The following UGT2B17 variants were observed in gnomAD, a reference collection of about 807,000 sequenced individuals.
UGT2B17 encodes UDP glucuronosyltransferase family 2 member B17, also known as UDP-glucuronosyltransferase 2B17.
UGT2B17 carries 21 observed loss-of-function variants against 48.2 expected under a neutral mutation model. The observed-to-expected ratio is 0.44, with a 90% confidence interval of 0.31 to 0.63. The LOEUF is 0.63. Among genes scored for constraint, UGT2B17 ranks in the 20% least tolerant of loss-of-function variants. The pLI is 0.08. For missense variants in UGT2B17, 402 were observed against 696.1 expected (o/e 0.58, Z 4.75); for synonymous variants, 146 against 238.4 (o/e 0.61, Z 3.57).
In UGT2B17 at chr4:68,551,766, T is replaced by C. The variant is rs1267828540; in HGVS notation, c.1093+58A>G. The C allele has an allele frequency of 5.6e-6, 6 of 1,064,990 alleles. 2 individuals are homozygous for C. Among genetic ancestry groups the C allele is most frequent in the Non-Finnish European group, 7.5e-6 (6 of 804,628 alleles). The allele number at this position is 1,064,990 out of a possible 1,614,324, so 66.0% of individuals were successfully genotyped here. On this transcript the variant is annotated intron_variant, in intron 5 of 6. Coordinates refer to ENST00000317746, the MANE Select transcript of UGT2B17 (RefSeq NM_001077.4). ...AATATGTTTGTTTTATGTTGAAATA[T>C]TATCACTTCTAATTGGCTGTTACTA...
rs1211930993 is a variant in UGT2B17, at chr4:68,541,687, GC to G, written c.1314-3784del. ...GTCAACTTTGGCTTTTATTGTAATTGCTTTTGGTGTTTGTGTCATGAAATTT... is the reference window on the plus strand; with the variant it reads ...GTCAACTTTGGCTTTTATTGTAATTGTTTTGGTGTTTGTGTCATGAAATTT... On this transcript the variant is annotated intron_variant, in intron 6 of 6. Coordinates refer to ENST00000317746, the MANE Select transcript of UGT2B17 (RefSeq NM_001077.4). 5.5e-5 allele frequency among the ~76,000 whole-genome samples: 7 copies of G among 126,332 alleles called. 3 individuals are homozygous for G. Among genetic ancestry groups the G allele is most frequent in the Non-Finnish European group, 1.2e-4 (7 of 59,706 alleles). The allele number at this position is 126,332 out of a possible 152,430, so 82.9% of individuals were successfully genotyped here.
In UGT2B17 at chr4:68,548,600, G is replaced by A. The variant is rs1411389554; in HGVS notation, c.1313+2077C>T. ...TAAAAAAAATTACTTTGGGCAGCATGGCCATTTTTACAATTCTGATTTTTT... is the reference window on the plus strand; with the variant it reads ...TAAAAAAAATTACTTTGGGCAGCATAGCCATTTTTACAATTCTGATTTTTT... On this transcript the variant is annotated intron_variant, in intron 6 of 6. Transcript: ENST00000317746. Among the ~76,000 whole-genome samples, 4 of 124,894 alleles carry A rather than the reference G, an allele frequency of 3.2e-5. 1 individual carries two copies. The Admixed American group carries it at 3.3e-4, about 10-fold the overall frequency. The allele number at this position is 124,894 out of a possible 152,430, so 81.9% of individuals were successfully genotyped here.
rs1425942706 is a variant in UGT2B17 at position 68,561,849 on chromosome 4, C to G, written c.874-1181G>C. On this transcript the variant is annotated intron_variant, in intron 3 of 6. Transcript: ENST00000317746. ...AAAAGAAATGTAGACTCATAAGTTT[C>G]CCGGATATCATATCAAAATTGTATA... is the stretch of plus-strand genomic sequence containing the variant. Among the ~76,000 whole-genome samples the G allele has an allele frequency of 2.5e-5, 3 of 120,744 alleles. 1 individual carries two copies. In the Admixed American group the frequency reaches 2.5e-4, roughly 10 times the overall value. 79.2% of individuals were successfully genotyped at this position (120,744 alleles called of 152,430 possible).
At chr4:68,549,464 A>G (rs1168372798) in intron 6 of UGT2B17, among the ~76,000 whole-genome samples, 1 of 125,616 alleles carries the variant, frequency 8.0e-6, no homozygotes, top group African/African-American at 2.7e-5. Flanking sequence ...AATAAGGTAA[A>G]TAGAAAAATG....
intron 6 of UGT2B17, among the ~76,000 whole-genome samples, chr4:68,543,066 C>T (rs1730709974): frequency 7.9e-6 from 1 of 126,058 alleles, no homozygotes; most frequent in Non-Finnish European, 1.7e-5. Flanking sequence ...CTTAAATGTC[C>T]CTGTCTGACA....
rs1553919352 is a variant in UGT2B17 at position 68,537,582 on chromosome 4, G to T, written c.*43C>A. 7.0e-6 allele frequency: 9 copies of T among 1,284,278 alleles called. 4 individuals are homozygous for T. In the East Asian group the frequency reaches 6.9e-4, roughly 99 times the overall value. 79.6% of individuals were successfully genotyped at this position (1,284,278 alleles called of 1,614,324 possible). A position where few individuals can be genotyped will look rare whatever the true frequency, so the allele number is the denominator to read the frequency against. On this transcript the variant is annotated 3_prime_UTR_variant, in exon 7 of 7. Coordinates refer to ENST00000317746, the MANE Select transcript of UGT2B17 (RefSeq NM_001077.4). ...AACCCTCCATGCTGGAATAAAGGAG[G>T]AGTCCCATCTTTTGGTCATTCCACT...
rs1253708015 is a variant in UGT2B17 at position 68,564,349 on chromosome 4, C to T, written c.873+1223G>A. Among the ~76,000 whole-genome samples the T allele has an allele frequency of 3.6e-5, 4 of 110,140 alleles. 2 individuals are homozygous for T. Among genetic ancestry groups the T allele is most frequent in the African/African-American group, 1.3e-4 (4 of 30,608 alleles). 72.3% of individuals were successfully genotyped at this position (110,140 alleles called of 152,430 possible). A position where few individuals can be genotyped will look rare whatever the true frequency, so the allele number is the denominator to read the frequency against. On this transcript the variant is annotated intron_variant, in intron 3 of 6. Transcript: ENST00000317746. ...TGTTGCCCAGGCTGTTGTGCAATAG[C>T]ATGATCTCGGCTCTCTGCAACCTCT...
chr4:68,552,000 A>T, intron 4 of UGT2B17, 89 bp from the exon 5 acceptor site: 1 of 915,018 alleles, frequency 1.1e-6, no homozygotes, highest in Non-Finnish European at 1.5e-6. Context: ...TAATCAGTTA[A>T]TCCATATAAA....
At position 68,567,644 on chromosome 4, in the gene UGT2B17, T is replaced by G. The variant is rs558026617; in HGVS notation, c.724+117A>C. The stretch of plus-strand genomic sequence containing the variant: ...TGAGACTCATAGATCATCTTACATT[T>G]GCAATTCATAATTTCCCATAAAAAC... On this transcript the variant is annotated intron_variant, in intron 2 of 6. Transcript: ENST00000317746. The G allele has an allele frequency of 3.8e-6, 3 of 796,536 alleles. 1 individual carries two copies. The highest frequency in any genetic ancestry group is 6.4e-5 in the Admixed American group (2 of 31,166). 49.3% of individuals were successfully genotyped at this position (796,536 alleles called of 1,614,324 possible).
rs1281834596 is a variant in UGT2B17, at chr4:68,561,069, G to A, written c.874-401C>T. 7.3e-5 allele frequency among the ~76,000 whole-genome samples: 9 copies of A among 123,700 alleles called. 3 individuals carry two copies. Among genetic ancestry groups the A allele is most frequent in the Non-Finnish European group, 1.5e-4 (9 of 58,842 alleles). The allele number at this position is 123,700 out of a possible 152,430, so 81.2% of individuals were successfully genotyped here. ...TTTTTGTAGTTCTACTAAATCTCTT[G>A]TGTTTATTTGGGGTCATTTTATTTT... On this transcript the variant is annotated intron_variant, in intron 3 of 6. Coordinates refer to ENST00000317746, the MANE Select transcript of UGT2B17 (RefSeq NM_001077.4).
chr4:68,543,035 G>C lies in UGT2B17; in HGVS notation c.1314-5131C>G, dbSNP rs1248527636. 1.6e-5 allele frequency among the ~76,000 whole-genome samples: 2 copies of C among 126,426 alleles called. 1 individual carries two copies. The allele number at this position is 126,426 out of a possible 152,430, so 82.9% of individuals were successfully genotyped here. The stretch of plus-strand genomic sequence containing the variant: ...GGGGGCAGGGCATAACCAAACAAAA[G>C]GCAGCAGAAACCTCTGCAGTCTTAA... On this transcript the variant is annotated intron_variant, in intron 6 of 6. Coordinates refer to ENST00000317746, the MANE Select transcript of UGT2B17 (RefSeq NM_001077.4).
At position 68,541,336 on chromosome 4, in the gene UGT2B17, C is replaced by T. The variant is rs886143761; in HGVS notation, c.1314-3432G>A. Among the ~76,000 whole-genome samples, 22 of 126,268 alleles carry T rather than the reference C, an allele frequency of 1.7e-4. 5 individuals carry two copies. The highest frequency in any genetic ancestry group is 5.7e-4 in the Admixed American group (7 of 12,364). 82.8% of individuals were successfully genotyped at this position (126,268 alleles called of 152,430 possible). A position where few individuals can be genotyped will look rare whatever the true frequency, so the allele number is the denominator to read the frequency against. On this transcript the variant is annotated intron_variant, in intron 6 of 6. Transcript: ENST00000317746. Reference sequence around the variant, plus strand: ...TGTTTTTTGACTTTTTAATCATCTCCATTCTGACTGGCATGAGATTGTATC... The same window carrying T: ...TGTTTTTTGACTTTTTAATCATCTCTATTCTGACTGGCATGAGATTGTATC...
intron 4 of UGT2B17, among the ~76,000 whole-genome samples, chr4:68,555,644 T>C (rs1730987552): frequency 8.0e-6 from 1 of 125,534 alleles, no homozygotes; most frequent in African/African-American, 2.7e-5. Context: ...TCTAGGTAAA[T>C]GACTAAATAA....
chr4:68,568,811 T>A (rs1731252853), intron 1 of UGT2B17, among the ~76,000 whole-genome samples: 1 of 129,404 alleles, frequency 7.7e-6, no homozygotes, highest in African/African-American at 2.6e-5. Context: ...CGCCATTTTT[T>A]AATATCGTGG....
At chr4:68,553,170 C>A (rs1423287601) in intron 4 of UGT2B17, among the ~76,000 whole-genome samples, 1 of 125,510 alleles carries the variant, frequency 8.0e-6, no homozygotes, top group Admixed American at 8.2e-5. Context: ...TCAGATTTGA[C>A]AAACTTTACC....
rs771102901 is a variant in UGT2B17, at chr4:68,551,808, T to C, written c.1093+16A>G. 179 of 1,280,766 alleles carry C rather than the reference T, an allele frequency of 1.4e-4. 34 individuals are homozygous for C. Among genetic ancestry groups the C allele is most frequent in the Non-Finnish European group, 1.7e-4 (163 of 977,932 alleles). The allele number at this position is 1,280,766 out of a possible 1,614,324, so 79.3% of individuals were successfully genotyped here. On this transcript the variant is annotated intron_variant, in intron 5 of 6. Transcript: ENST00000317746. ...CTGTTACTAATATATTCAGTATTTG[T>C]TCTCCAGAGTCTTACCAAGAAGGTC...
intron 3 of UGT2B17, among the ~76,000 whole-genome samples, chr4:68,564,296 T>TATATATATATATA (rs1226939611): frequency 2.2e-4 from 21 of 93,796 alleles, no homozygotes; most frequent in African/African-American, 1.2e-3. Flanking sequence ...ATATATATAT[T>TATATATATATATA]TTTTTTTTTT....
At position 68,537,855 on chromosome 4, in the gene UGT2B17, C is replaced by A; in HGVS notation, c.1363G>T (p.Val455Leu). The A allele has an allele frequency of 1.5e-6, 2 of 1,376,026 alleles. 1 individual carries two copies. The highest frequency in any genetic ancestry group is 1.9e-6 in the Non-Finnish European group (2 of 1,053,222). The allele number at this position is 1,376,026 out of a possible 1,614,324, so 85.2% of individuals were successfully genotyped here. Reference sequence around the variant, plus strand: ...AAGACTGCTCGATCCAGGGGCTTCACCGGTTGATCATGATGAATTCTTGAT... The same window carrying A: ...AAGACTGCTCGATCCAGGGGCTTCAACGGTTGATCATGATGAATTCTTGAT... The part of the protein sequence containing the change: ...KLSRIHHDQP[V>L]KPLDRAVFWI... Residue 455 changes from valine (V) to leucine (L), a missense_variant, in exon 7 of 7, where the codon GTG (valine) becomes TTG (leucine). Coordinates refer to ENST00000317746, the MANE Select transcript of UGT2B17 (RefSeq NM_001077.4).
At chr4:68,570,292 A>C (rs1031616051) in intron 1 of UGT2B17, among the ~76,000 whole-genome samples, 1 of 127,142 alleles carries the variant, frequency 7.9e-6, no homozygotes, top group African/African-American at 2.7e-5. Flanking sequence ...TGCTGCATGC[A>C]CTGCTGGTCA....
Sources: gnomAD v4.1 joint callset for allele counts (sites outside exome capture counted in the v4.1 genomes callset) on GRCh38, gnomAD v4.1.1 for gene constraint, MANE v1.5 for transcripts, NCBI Gene and HGNC (gene_info 2026-07-23, HGNC 2026-07-21) for gene names.